PCDHA2: variants seen among roughly 807,000 people sequenced by gnomAD.
PCDHA2 encodes protocadherin alpha-2.
In PCDHA2, 58 loss-of-function variants were observed where a neutral mutation model predicts 66.0. The observed-to-expected ratio is 0.88, with a 90% CI of 0.71 to 1.09. The LOEUF is 1.09. Ranked by LOEUF, PCDHA2 falls within the 50% of genes least tolerant of loss-of-function variation. The probability of loss-of-function intolerance (pLI) is 0.00; values close to 1 mark genes in which losing one functional copy is unlikely to be tolerated. For synonymous variants in PCDHA2, 634 were observed against 554.0 expected, an observed-to-expected ratio of 1.14 and a Z score of -2.03; for missense variants, 1,267 against 1,242.3, an observed-to-expected ratio of 1.02 and a Z score of -0.30.
rs559374067 is a variant in PCDHA2, at chr5:140,810,804, A to G, written c.2388+13452A>G. On this transcript the variant is annotated intron_variant, in intron 1 of 3. Coordinates refer to ENST00000526136, the MANE Select transcript of PCDHA2 (RefSeq NM_018905.3). ...TTTTCAACCTCATGGCTAGTTTTTAATTCTTTTTTGTCTTTTGGTGAATAG... is the reference window on the plus strand; with the variant it reads ...TTTTCAACCTCATGGCTAGTTTTTAGTTCTTTTTTGTCTTTTGGTGAATAG... 3.3e-5 allele frequency: 5 copies of G among 151,878 alleles called. No individual in the cohort carries two copies. The East Asian group carries it at 7.7e-4, about 23-fold the overall frequency. The allele number at this position is 151,878 out of a possible 1,614,324, so 9.4% of individuals were successfully genotyped here.
intron 1 of PCDHA2, chr5:140,821,950 G>C (rs1484669831): frequency 6.2e-7 from 1 of 1,614,058 alleles, no homozygotes; most frequent in Non-Finnish European, 8.5e-7. Flanking sequence ...GGCGGAGCTG[G>C]TGCCGCGCCT....
Position 140,796,974 on chromosome 5 carries a change from G to A in PCDHA2, c.2010G>A (p.Val670=). 1.9e-6 allele frequency: 3 copies of A among 1,613,854 alleles called. No individual in the cohort carries two copies. In the East Asian group the frequency reaches 6.7e-5, roughly 36 times the overall value. The change falls in exon 1 of 4, where the codon GTG becomes GTA. Residue 670 remains valine, a synonymous_variant. Coordinates refer to ENST00000526136, the MANE Select transcript of PCDHA2 (RefSeq NM_018905.3). ...TATATVLVSL[V]ESGQAPKASS... ...CGGCCACCGTGTTAGTGTCGTTGGTGGAAAGTGGCCAGGCACCCAAGGCCT... is the reference window on the plus strand; with the variant it reads ...CGGCCACCGTGTTAGTGTCGTTGGTAGAAAGTGGCCAGGCACCCAAGGCCT...
chr5:140,968,657 G>T (rs782383428), intron 1 of PCDHA2: 16 of 1,614,142 alleles, frequency 9.9e-6, no homozygotes, highest in Non-Finnish European at 1.4e-5. Flanking sequence ...TTCTGACCTG[G>T]ACCTCTTTAA....
intron 1 of PCDHA2, chr5:140,969,253 C>G (rs200334724): frequency 7.4e-6 from 12 of 1,614,084 alleles, no homozygotes; most frequent in Non-Finnish European, 8.5e-7. Context: ...TGACTGACAG[C>G]AGGAATCTCA....
intron 3 of PCDHA2, among the ~76,000 whole-genome samples, chr5:140,986,303 A>G (rs2097193977): frequency 6.6e-6 from 1 of 152,166 alleles, no homozygotes; most frequent in South Asian, 2.1e-4. Context: ...CAGAGAGAGA[A>G]AATTAGCTAA....
chr5:140,873,225 A>G (rs1476513279), intron 1 of PCDHA2, among the ~76,000 whole-genome samples: 2 of 152,224 alleles, frequency 1.3e-5, no homozygotes, highest in African/African-American at 2.4e-5. Context: ...AGAGAAGGCA[A>G]CAATATAAAA....
chr5:140,864,705 G>T (rs1321181111), intron 1 of PCDHA2: 1 of 152,172 alleles, frequency 6.6e-6, no homozygotes, highest in Admixed American at 6.5e-5. Flanking sequence ...AAGTTGTTGA[G>T]CTCTTCTACT....
intron 1 of PCDHA2, among the ~76,000 whole-genome samples, chr5:140,887,550 TACTG>T (rs2061493394): frequency 1.3e-5 from 2 of 152,206 alleles, no homozygotes; most frequent in Non-Finnish European, 2.9e-5. Flanking sequence ...CCCTCATGGT[TACTG>T]TTAAAACTTT....
chr5:141,005,701 CAAAAAAAAA>C (rs59860837), intron 3 of PCDHA2, among the ~76,000 whole-genome samples: 2 of 7,784 alleles, frequency 2.6e-4, no homozygotes, highest in African/African-American at 4.7e-4. Context: ...AACTCCGTCT[CAAAAAAAAA>C]AAAAAAAAAA....
chr5:140,870,879 G>T (rs1554164779), intron 1 of PCDHA2: 2 of 1,613,952 alleles, frequency 1.2e-6, no homozygotes, highest in African/African-American at 2.7e-5. Context: ...TGGTGGCGAA[G>T]GTGCGCGCAG....
chr5:140,841,126 C>T, intron 1 of PCDHA2: 1 of 659,096 alleles, frequency 1.5e-6, no homozygotes, highest in South Asian at 2.2e-5. Flanking sequence ...TAATCATTAC[C>T]TTTTGAAGCC....
chr5:140,991,642 A>T (rs2097463636), intron 3 of PCDHA2, among the ~76,000 whole-genome samples: 2 of 152,160 alleles, frequency 1.3e-5, no homozygotes, highest in South Asian at 4.1e-4. Flanking sequence ...CAATCTGTTC[A>T]TGACAATTTA....
intron 1 of PCDHA2, chr5:140,929,696 A>G (rs955159626): frequency 2.6e-5 from 7 of 266,458 alleles, no homozygotes; most frequent in African/African-American, 1.3e-4. Flanking sequence ...TCTGCTTTAT[A>G]TGAATATAAT....
chr5:140,795,639 C>A lies in PCDHA2; in HGVS notation c.675C>A (p.Thr225=), dbSNP rs375678815. 1.9e-6 allele frequency: 3 copies of A among 1,614,076 alleles called. No homozygotes were observed. The East Asian group carries it at 6.7e-5, about 36-fold the overall frequency. Residue 225 remains threonine (T), a synonymous_variant, in exon 1 of 4, where the codon ACC becomes ACA. Coordinates refer to ENST00000526136, the MANE Select transcript of PCDHA2 (RefSeq NM_018905.3). ...GGGGCAAACCTGAGCTCACGGGCAC[C>A]GTTCAAATACTTATTAAGGTATTAG... ...TDGGKPELTG[T]VQILIKVLDV...
chr5:140,796,921 G>C lies in PCDHA2; in HGVS notation c.1957G>C (p.Asp653His). Reference protein sequence around the residue: ...PRHRLLVLVKDHGEPALTATA... With the variant: ...PRHRLLVLVKHHGEPALTATA... ...ACACCGCCTACTCGTGCTGGTGAAG[G>C]ACCACGGCGAACCAGCGTTGACAGC... The change falls in exon 1 of 4, where the codon GAC (aspartate) becomes CAC (histidine). Residue 653 changes from aspartate to histidine, a missense_variant. By Grantham distance (81) the Asp-to-His change is moderately conservative. Transcript: ENST00000526136. The C allele has an allele frequency of 6.2e-7, 1 of 1,613,880 alleles. No homozygotes were observed. The highest frequency in any genetic ancestry group is 8.5e-7 in the Non-Finnish European group (1 of 1,179,988).
chr5:140,869,284 C>T, intron 1 of PCDHA2: 1 of 1,613,582 alleles, frequency 6.2e-7, no homozygotes, highest in Non-Finnish European at 8.5e-7. Flanking sequence ...GGAGCTGGTG[C>T]AGCGCCTGTT....
chr5:140,927,203 C>G (rs782141467), intron 1 of PCDHA2: 1 of 1,614,104 alleles, frequency 6.2e-7, no homozygotes, highest in Admixed American at 1.7e-5. Context: ...CTCGAGGACC[C>G]GCTGGAGCTG....
At chr5:140,993,031 C>T (rs186292405) in intron 3 of PCDHA2, among the ~76,000 whole-genome samples, 19 of 152,274 alleles carry the variant, frequency 1.2e-4, no homozygotes, top group Non-Finnish European at 1.8e-4. Context: ...CTGTGGGCTC[C>T]GTGTGTCATC....
At chr5:140,947,627 A>C (rs1375142600) in intron 1 of PCDHA2, among the ~76,000 whole-genome samples, 1 of 151,696 alleles carries the variant, frequency 6.6e-6, no homozygotes, top group Non-Finnish European at 1.5e-5. Context: ...ATATTGAGTC[A>C]TCAGATCGTA....
Sources: gnomAD v4.1 joint callset for allele counts (sites outside exome capture counted in the v4.1 genomes callset) on GRCh38, gnomAD v4.1.1 for gene constraint, MANE v1.5 for transcripts, NCBI Gene and HGNC (gene_info 2026-07-23, HGNC 2026-07-21) for gene names.